Variants in IKBKG observed in about 807,000 individuals in gnomAD.
IKBKG encodes the protein NF-kappa-B essential modulator.
IKBKG carries 2 observed loss-of-function variants against 13.7 expected under a neutral mutation model. The ratio of observed to expected loss-of-function variants is 0.15; its 90% CI spans 0.06 to 0.46. The LOEUF (loss-of-function observed/expected upper bound fraction) is 0.46, where lower values mean the gene tolerates loss of function less well. Ranked by LOEUF, IKBKG falls within the 20% of genes least tolerant of loss-of-function variation. The probability of loss-of-function intolerance (pLI) is 0.98; values close to 1 mark genes in which losing one functional copy is unlikely to be tolerated. For missense variants in IKBKG, 53 were observed against 150.3 expected, an observed-to-expected ratio of 0.35 and a Z score of 3.39; for synonymous variants, 22 against 64.4, an observed-to-expected ratio of 0.34 and a Z score of 3.15.
chrX:154,554,434 A>G (rs1431790019), intron 2 of IKBKG, among the ~76,000 whole-genome samples: 2 of 112,344 alleles, frequency 1.8e-5, no homozygotes, highest in African/African-American at 6.5e-5. Context: ...ATGTCATGTG[A>G]ATTTTACCTC....
chrX:154,545,731 G>T (rs1423562364), upstream of IKBKG: 10 of 268,206 alleles, frequency 3.7e-5, no homozygotes, highest in Non-Finnish European at 6.7e-6. Context: ...GCTACTTGGG[G>T]GGCTGAGGCA....
upstream of IKBKG, chrX:154,546,876 C>CGGCGGG (rs782347347): frequency 1.0e-4 from 107 of 1,070,015 alleles, no homozygotes; most frequent in Admixed American, 1.2e-3. Flanking sequence ...CCCATTTAAT[C>CGGCGGG]GGCGGGGGCG....
At chrX:154,551,961 G>A (rs781985461) in intron 1 of IKBKG, 27 bp from the exon 2 acceptor site, 7 of 1,036,508 alleles carry the variant, frequency 6.8e-6, no homozygotes, top group Non-Finnish European at 8.8e-6. Context: ...GGTCTCCTGT[G>A]ACTCCCCTGC....
chrX:154,547,817 G>C, intron 1 of IKBKG, 72 bp downstream of exon 1: 1 of 755,039 alleles, frequency 1.3e-6, no homozygotes, highest in Non-Finnish European at 1.6e-6. Context: ...TCCCCCGGAC[G>C]TTCAGGCTCC....
upstream of IKBKG, chrX:154,542,411 C>T (rs189237568): frequency 1.2e-3 from 1,402 of 1,197,439 alleles, 4 homozygotes; most frequent in South Asian, 0.013. Context: ...CTGTTCCAGG[C>T]GCACACTAGT....
At chrX:154,546,783 G>C, upstream of IKBKG, 2 of 1,157,609 alleles carry the variant, frequency 1.7e-6, no homozygotes, top group South Asian at 3.8e-5. Context: ...CCGCCCGGCC[G>C]GTTACCTGCG....
upstream of IKBKG, chrX:154,542,393 G>A: frequency 8.3e-7 from 1 of 1,206,788 alleles, no homozygotes; most frequent in African/African-American, 1.7e-5. Context: ...ATCAGGTGGG[G>A]AAAGATGCTG....
At chrX:154,553,470 A>G (rs2070989454) in intron 2 of IKBKG, among the ~76,000 whole-genome samples, 2 of 112,173 alleles carry the variant, frequency 1.8e-5, no homozygotes, top group Admixed American at 1.9e-4. Context: ...AAGGCAAATC[A>G]CCTTTCCTTC....
chrX:154,547,607 C>G, upstream of IKBKG: 2 of 754,978 alleles, frequency 2.6e-6, no homozygotes, highest in Non-Finnish European at 3.1e-6. Flanking sequence ...CCGGATCCCA[C>G]AGCTATGACA....
At chrX:154,548,125 A>G (rs970223663) in intron 1 of IKBKG, 4 of 748,626 alleles carry the variant, frequency 5.3e-6, no homozygotes, top group Non-Finnish European at 6.3e-6. Flanking sequence ...CTCGTTTTGC[A>G]AGACAACATC....
In IKBKG at chrX:154,547,714, C is replaced by G; in HGVS notation, c.-47C>G. The G allele has an allele frequency of 1.3e-6, 1 of 755,248 alleles. No homozygotes were observed. The highest frequency in any genetic ancestry group is 1.6e-6 in the Non-Finnish European group (1 of 639,520). The allele number at this position is 755,248 out of a possible 1,213,427, so 62.2% of individuals were successfully genotyped here. ...CAGCGTTCACAGTCCGCCGCTCCCA[C>G]CCTTCTCACGTCTGACGGACTCTGC... On this transcript the variant is annotated 5_prime_UTR_variant, in exon 1 of 10. Transcript: ENST00000594239.
At chrX:154,545,619 G>T (rs2070681489), upstream of IKBKG, 1 of 172,210 alleles carries the variant, frequency 5.8e-6, no homozygotes, top group Admixed American at 7.4e-5. Flanking sequence ...CGGATCACTT[G>T]AGGTCAGGAG....
upstream of IKBKG, chrX:154,546,706 A>G (rs2070729426): frequency 1.1e-5 from 9 of 821,021 alleles, no homozygotes; most frequent in South Asian, 1.8e-4. Context: ...CAAGCACAAC[A>G]AACAGCGTGT....
chrX:154,554,757 A>G (rs1557235668), intron 2 of IKBKG, among the ~76,000 whole-genome samples: 2 of 111,324 alleles, frequency 1.8e-5, no homozygotes, highest in African/African-American at 6.5e-5. Context: ...GTCTGTCTCA[A>G]AAAAAAAGAC....
At chrX:154,543,426 G>A (rs1372381843), upstream of IKBKG, among the ~76,000 whole-genome samples, 1 of 112,300 alleles carries the variant, frequency 8.9e-6, no homozygotes, top group Non-Finnish European at 1.9e-5. Flanking sequence ...GAAATGCTGA[G>A]GTTCAGGAAA....
chrX:154,546,744 G>T, upstream of IKBKG: 1 of 1,036,476 alleles, frequency 9.6e-7, no homozygotes, highest in South Asian at 2.0e-5. Flanking sequence ...CGCAGCGCGG[G>T]ACAGTACGCT....
At chrX:154,551,724 T>C (rs73641105) in intron 1 of IKBKG, among the ~76,000 whole-genome samples, 2,025 of 111,130 alleles carry the variant, frequency 0.018, 48 homozygotes, top group African/African-American at 0.064. Context: ...CAAACAGTCT[T>C]GTCCCGACTC....
upstream of IKBKG, chrX:154,546,775 G>C (rs2070734513): frequency 8.7e-7 from 1 of 1,150,347 alleles, no homozygotes; most frequent in Non-Finnish European, 1.2e-6. Flanking sequence ...CGCGGCGCCC[G>C]CCCGGCCGGT....
chrX:154,543,713 GGA>G (rs1460214505), upstream of IKBKG, among the ~76,000 whole-genome samples: 3 of 109,449 alleles, frequency 2.7e-5, no homozygotes, highest in African/African-American at 1.0e-4. Context: ...TTTTTGAGAT[GGA>G]GTCTCACTCA....
Sources: allele counts gnomAD v4.1 joint callset (sites outside exome capture counted in the v4.1 genomes callset), GRCh38; gene constraint gnomAD v4.1.1; transcripts MANE v1.5; gene names NCBI Gene and HGNC (gene_info 2026-07-23, HGNC 2026-07-21).